Variants in STX1B observed in about 807,000 individuals in gnomAD.
STX1B encodes the protein syntaxin-1B.
Under a neutral mutation model 39.4 loss-of-function variants are expected in STX1B, and 7 were observed. The ratio of observed to expected loss-of-function variants is 0.18; its 90% CI spans 0.10 to 0.33. The LOEUF is 0.33. STX1B is among the 10% of genes least tolerant of loss of function. The pLI is 1.00. For missense variants in STX1B, 198 were observed against 383.2 expected, an observed-to-expected ratio of 0.52 and a Z score of 4.04; for synonymous variants, 136 against 144.1, an observed-to-expected ratio of 0.94 and a Z score of 0.40.
At chr16:30,993,557 G>A (rs751086917) in intron 7 of STX1B, 73 bp from the exon 8 acceptor site, 67 of 1,564,772 alleles carry the variant, frequency 4.3e-5, no homozygotes, top group Non-Finnish European at 5.6e-5. Context: ...GGAGTGGCCA[G>A]GGTCAAATCC....
intron 5 of STX1B, among the ~76,000 whole-genome samples, chr16:30,997,288 G>T (rs1340788950): frequency 6.6e-6 from 1 of 152,194 alleles, no homozygotes; most frequent in Non-Finnish European, 1.5e-5. Context: ...ACACCAGCTA[G>T]AGACACTGCT....
intron 1 of STX1B, among the ~76,000 whole-genome samples, chr16:31,005,693 A>C (rs2056651729): frequency 6.6e-6 from 1 of 152,142 alleles, no homozygotes; most frequent in Non-Finnish European, 1.5e-5. Context: ...AGGCGCAGAG[A>C]GATTGGGTAA....
At chr16:30,997,660 G>T in intron 4 of STX1B, 85 bp from the exon 5 acceptor site, 1 of 1,314,578 alleles carries the variant, frequency 7.6e-7, no homozygotes, top group Non-Finnish European at 1.1e-6. Flanking sequence ...TCAACACCCC[G>T]CGGCAGCGCC....
chr16:31,005,956 C>T (rs771595742), intron 1 of STX1B, among the ~76,000 whole-genome samples: 1 of 151,988 alleles, frequency 6.6e-6, no homozygotes, highest in Non-Finnish European at 1.5e-5. Context: ...CGATGTGGAG[C>T]GACGGCAAGG....
Position 31,001,039 on chromosome 16 carries a change from G to T in STX1B, c.206-37C>A. On this transcript the variant is annotated intron_variant, in intron 3 of 9. Transcript: ENST00000215095. The surrounding 1 kb of genome is among the most constrained non-coding windows in gnomAD (Gnocchi z 5.5). Reference sequence around the variant, plus strand: ...GCGAGGGCAAGTGAGATGTCTGGGTGGGAACCCCAGGCCCCTTCTCCTCCC... The same window carrying T: ...GCGAGGGCAAGTGAGATGTCTGGGTTGGAACCCCAGGCCCCTTCTCCTCCC... 6.2e-7 allele frequency: 1 copy of T among 1,613,416 alleles called. No homozygotes were observed. Among genetic ancestry groups the T allele is most frequent in the Non-Finnish European group, 8.5e-7 (1 of 1,179,326 alleles).
chr16:31,006,912 C>A (rs936751864), intron 1 of STX1B, among the ~76,000 whole-genome samples: 22 of 152,076 alleles, frequency 1.4e-4, no homozygotes, highest in Admixed American at 6.6e-5. Context: ...GCCAGGAGTT[C>A]AAGACCAGTC....
In STX1B at chr16:30,997,071, G is replaced by A. The variant is rs566077607; in HGVS notation, c.355-12C>T. 3.8e-6 allele frequency: 6 copies of A among 1,589,188 alleles called. No individual in the cohort carries two copies. Among genetic ancestry groups the A allele is most frequent in the South Asian group, 3.3e-5 (3 of 90,336 alleles). ...GACAGTGTGGAGTGCTACGGTGGGG[G>A]TGGGGGGACAGACGGATCAGGGAGG... On this transcript the variant is annotated splice_polypyrimidine_tract_variant and intron_variant, in intron 5 of 9. Transcript: ENST00000215095.
At chr16:31,010,339 C>T in intron 1 of STX1B, 28 bp downstream of exon 1, 1 of 1,313,020 alleles carries the variant, frequency 7.6e-7, no homozygotes, top group Non-Finnish European at 1.0e-6. Flanking sequence ...GGGTCCCGCC[C>T]CCCCATTCTC....
chr16:31,000,723 C>T (rs1365712299), intron 4 of STX1B, among the ~76,000 whole-genome samples: 1 of 152,098 alleles, frequency 6.6e-6, no homozygotes, highest in African/African-American at 2.4e-5. Context: ...AACTCCGGAC[C>T]TCGTGATTCA....
chr16:30,990,811 C>T lies in STX1B; in HGVS notation c.*2010G>A, dbSNP rs2056551914. 2 of 152,240 alleles carry T rather than the reference C, an allele frequency of 1.3e-5. No individual in the cohort carries two copies. Among genetic ancestry groups the T allele is most frequent in the African/African-American group, 2.4e-5 (1 of 41,438 alleles). The allele number at this position is 152,240 out of a possible 1,614,324, so 9.4% of individuals were successfully genotyped here. A position where few individuals can be genotyped will look rare whatever the true frequency, so the allele number is the denominator to read the frequency against. On this transcript the variant is annotated 3_prime_UTR_variant, in exon 10 of 10. Transcript: ENST00000215095. ...ACAACAGGGGAGGTGCTAGCCCCTT[C>T]CTCACACCAGAAATCCAGGCCTGTG...
rs1334604672 is a variant in STX1B, at chr16:30,992,431, C to T, written c.*390G>A. The T allele has an allele frequency of 9.4e-6, 2 of 213,620 alleles. No individual in the cohort carries two copies. The highest frequency in any genetic ancestry group is 2.3e-5 in the African/African-American group (1 of 43,376). 13.2% of individuals were successfully genotyped at this position (213,620 alleles called of 1,614,324 possible). ...GGGCGTGATGGACTGCTGTGTTACA[C>T]TTGGCTGCAGTCTACACAACAGCCC... On this transcript the variant is annotated 3_prime_UTR_variant, in exon 10 of 10. Coordinates refer to ENST00000215095, the MANE Select transcript of STX1B (RefSeq NM_052874.5).
At chr16:31,007,656 T>G (rs1282828555) in intron 1 of STX1B, among the ~76,000 whole-genome samples, 2 of 151,974 alleles carry the variant, frequency 1.3e-5, no homozygotes, top group African/African-American at 2.4e-5. Context: ...ACAAGTCAGG[T>G]TTTTTTTACC....
At chr16:30,996,897 G>T in intron 6 of STX1B, 54 bp downstream of exon 6, 1 of 1,576,294 alleles carries the variant, frequency 6.3e-7, no homozygotes, top group South Asian at 1.1e-5. Context: ...TGCCTGGAAG[G>T]GGGCTTGGGC....
intron 1 of STX1B, among the ~76,000 whole-genome samples, chr16:31,008,758 G>T (rs1419649691): frequency 1.3e-5 from 2 of 152,110 alleles, no homozygotes; most frequent in African/African-American, 2.4e-5. Context: ...GCCTGCCTGG[G>T]TTTGAATCCT....
intron 1 of STX1B, among the ~76,000 whole-genome samples, chr16:31,009,064 G>T (rs1441587416): frequency 6.6e-6 from 1 of 152,034 alleles, no homozygotes; most frequent in Non-Finnish European, 1.5e-5. Context: ...GCTCCTCCTT[G>T]CTTCCCATTT....
At chr16:31,009,396 T>C (rs1476285301) in intron 1 of STX1B, among the ~76,000 whole-genome samples, 1 of 152,050 alleles carries the variant, frequency 6.6e-6, no homozygotes, top group Non-Finnish European at 1.5e-5. Context: ...AAAGGCTCAG[T>C]GCATTGGGCA....
Position 30,996,747 on chromosome 16 carries a change from G to C in STX1B, c.473C>G (p.Thr158Ser). The C allele has an allele frequency of 6.2e-7, 1 of 1,614,118 alleles. No individual in the cohort carries two copies. The highest frequency in any genetic ancestry group is 8.5e-7 in the Non-Finnish European group (1 of 1,179,964). The part of the protein sequence containing the change: ...IQRQLEITGR[T>S]TTNEELEDML... ...GTCTTCCAGTTCTTCGTTGGTGGTG[G>C]TCCTTCCAGCTGCGGGAAGAAAGGA... The change falls in exon 7 of 10, where the codon ACC becomes AGC. Residue 158 changes from threonine to serine, a missense_variant. Transcript: ENST00000215095.
chr16:30,992,781 G>A lies in STX1B; in HGVS notation c.*40C>T, dbSNP rs1386013159. On this transcript the variant is annotated 3_prime_UTR_variant, in exon 10 of 10. Transcript: ENST00000215095. Reference sequence around the variant, plus strand: ...GTGGTGGGGGTATTGCTCCCGATGTGGTGGGGGAAGGGTCTGGGAGAGAGA... The same window carrying A: ...GTGGTGGGGGTATTGCTCCCGATGTAGTGGGGGAAGGGTCTGGGAGAGAGA... 1 of 1,338,720 alleles carries A rather than the reference G, an allele frequency of 7.5e-7. No individual in the cohort carries two copies. The highest frequency in any genetic ancestry group is 1.2e-5 in the South Asian group (1 of 84,660). The allele number at this position is 1,338,720 out of a possible 1,614,324, so 82.9% of individuals were successfully genotyped here. A position where few individuals can be genotyped will look rare whatever the true frequency, so the allele number is the denominator to read the frequency against.
At chr16:30,993,609 T>C in intron 7 of STX1B, 125 bp from the exon 8 acceptor site, 1 of 1,058,998 alleles carries the variant, frequency 9.4e-7, no homozygotes, top group Non-Finnish European at 1.4e-6. Context: ...ATTATTCACC[T>C]GCTCTTGGCC....
Sources: allele counts gnomAD v4.1 joint callset (sites outside exome capture counted in the v4.1 genomes callset), GRCh38; gene constraint gnomAD v4.1.1; non-coding constraint Gnocchi (gnomAD v3.1); transcripts MANE v1.5; gene names NCBI Gene and HGNC (gene_info 2026-07-23, HGNC 2026-07-21).